The following FASN variants were observed in gnomAD, a reference collection of about 807,000 sequenced individuals.
The protein encoded by FASN is 3-hydroxyacyl-[acyl-carrier-protein] dehydratase.
A neutral mutation model predicts 250.0 loss-of-function variants in FASN; 50 were observed. The ratio of observed to expected loss-of-function variants is 0.20; its 90% confidence interval spans 0.16 to 0.25. FASN has a LOEUF of 0.25. FASN is among the 10% of genes least tolerant of loss of function. The probability of loss-of-function intolerance (pLI) is 1.00; values close to 1 mark genes in which losing one functional copy is unlikely to be tolerated. For missense variants in FASN, 3,031 were observed against 3,498.5 expected (o/e 0.87, Z 3.37); for synonymous variants, 1,909 against 1,584.0 (o/e 1.21, Z -4.87).
rs142371324 is a variant in FASN, at chr17:82,088,005, C to T, written c.2815G>A (p.Glu939Lys). 7,650 of 1,612,758 alleles carry T rather than the reference C, an allele frequency of 4.7e-3. 53 individuals are homozygous for T. Among genetic ancestry groups the T allele is most frequent in the Non-Finnish European group, 4.3e-3 (5,111 of 1,179,978 alleles). ...GACACCTCGAAGGCACGGGAGGCCTCCAGGAGCCGTACCTCCAGGGACACT... is the reference window on the plus strand; with the variant it reads ...GACACCTCGAAGGCACGGGAGGCCTTCAGGAGCCGTACCTCCAGGGACACT... ...GTVSLEVRLLEASRAFEVSEN... is the reference protein window; with the variant it reads ...GTVSLEVRLLKASRAFEVSEN... The change falls in exon 18 of 43, where the codon GAG (glutamate) becomes AAG (lysine). Residue 939 changes from glutamate to lysine, a missense_variant. Physicochemically the swap from Glu to Lys is moderately conservative, Grantham distance 56. Coordinates refer to ENST00000306749, the MANE Select transcript of FASN (RefSeq NM_004104.5).
rs748684741 is a variant in FASN at position 82,085,447 on chromosome 17, G to A, written c.4122+35C>T. On this transcript the variant is annotated intron_variant, in intron 23 of 42. Transcript: ENST00000306749. ...CACCCTGCCCGCCTGGCCCTCACCC[G>A]GCCCCCACCCTGTCCCCCTGCCCGG... 1.7e-5 allele frequency: 27 copies of A among 1,594,662 alleles called. 1 individual carries two copies. In the East Asian group the frequency reaches 2.5e-4, roughly 15 times the overall value.
chr17:82,092,871 C>A, intron 6 of FASN, 26 bp downstream of exon 6: 1 of 1,591,798 alleles, frequency 6.3e-7, no homozygotes, highest in Non-Finnish European at 8.5e-7. Context: ...TGCCCCCCAG[C>A]ACCCCGGAAC....
At chr17:82,097,769 G>A (rs1315687015) in intron 1 of FASN, among the ~76,000 whole-genome samples, 1 of 152,114 alleles carries the variant, frequency 6.6e-6, no homozygotes, top group African/African-American at 2.4e-5. Context: ...GCTCCGGGGC[G>A]GCTCCGGGAG....
At position 82,095,189 on chromosome 17, in the gene FASN, G is replaced by T; in HGVS notation, c.280+131C>A. 6.0e-6 allele frequency: 7 copies of T among 1,162,522 alleles called. No individual in the cohort carries two copies. In the South Asian group the frequency reaches 7.4e-5, roughly 12 times the overall value. The allele number at this position is 1,162,522 out of a possible 1,614,324, so 72.0% of individuals were successfully genotyped here. On this transcript the variant is annotated intron_variant, in intron 3 of 42. Transcript: ENST00000306749. ...ACACCTCCCTGAGCCCGTTGGCCAG[G>T]CCAGGGGCACAGCCGGGGAGGGTAG...
rs756154069 is a variant in FASN, at chr17:82,089,026, C to T, written c.2247G>A (p.Leu749=). The T allele has an allele frequency of 6.2e-7, 1 of 1,607,930 alleles. No homozygotes were observed. The highest frequency in any genetic ancestry group is 8.5e-7 in the Non-Finnish European group (1 of 1,177,866). ...CCACCGCGTGCTCAGGCACGTGCCA[C>T]AGGGCCTCCTGGAACAGCACAGGGC... ...LVSPVLFQEA[L]WHVPEHAVVL... is the part of the protein sequence containing the mutation. Residue 749 remains leucine (L), a synonymous_variant, in exon 14 of 43, where the codon CTG becomes CTA. Coordinates refer to ENST00000306749, the MANE Select transcript of FASN (RefSeq NM_004104.5).
Position 82,095,319 on chromosome 17 carries a change from C to T in FASN, c.280+1G>A. The T allele has an allele frequency of 6.2e-7, 1 of 1,612,906 alleles. No homozygotes were observed. The highest frequency in any genetic ancestry group is 1.3e-5 in the African/African-American group (1 of 75,082). On this transcript the variant is annotated splice_donor_variant, in intron 3 of 42. Coordinates refer to ENST00000306749, the MANE Select transcript of FASN (RefSeq NM_004104.5). LOFTEE classifies it high-confidence loss of function. The stretch of plus-strand genomic sequence containing the variant: ...GCAGCAGTCGCGAATGCCCGACCCA[C>T]CTCCGTCCACGATGGCTTCATAGGT...
In FASN at chr17:82,083,817, C is replaced by A. The variant is rs746827075; in HGVS notation, c.5173G>T (p.Asp1725Tyr). The change falls in exon 30 of 43, where the codon GAC becomes TAC. Residue 1725 changes from aspartate (D) to tyrosine (Y), a missense_variant. Transcript: ENST00000306749. ...LDSTSFANSRDTSFEQHVLWH... is the reference protein window; with the variant it reads ...LDSTSFANSRYTSFEQHVLWH... The stretch of plus-strand genomic sequence containing the variant: ...AGCACATGCTGCTCGAAGGATGTGT[C>A]CCGGGAGTTGGCGAAGCTGGTGCTG... 4 of 1,607,994 alleles carry A rather than the reference C, an allele frequency of 2.5e-6. No individual in the cohort carries two copies. Among genetic ancestry groups the A allele is most frequent in the East Asian group, 4.5e-5 (2 of 44,724 alleles).
At position 82,091,489 on chromosome 17, in the gene FASN, G is replaced by T. The variant is rs1024910943; in HGVS notation, c.1225C>A (p.Gln409Lys). The change falls in exon 9 of 43, where the codon CAG (glutamine) becomes AAG (lysine). Residue 409 changes from glutamine (Q) to lysine (K), a missense_variant. Transcript: ENST00000306749. Reference sequence around the variant, plus strand: ...TGTGGGGCGGGTGCGGGGGGCGGCTGCGTGTTGGGCCTCAGGATGATGTGC... The same window carrying T: ...TGTGGGGCGGGTGCGGGGGGCGGCTTCGTGTTGGGCCTCAGGATGATGTGC... ...NVHIILRPNTQPPPAPAPHAT... is the reference protein window; with the variant it reads ...NVHIILRPNTKPPPAPAPHAT... 1.4e-5 allele frequency: 23 copies of T among 1,604,842 alleles called. No individual in the cohort carries two copies. Among genetic ancestry groups the T allele is most frequent in the Non-Finnish European group, 2.0e-5 (23 of 1,176,578 alleles).
rs757431038 is a variant in FASN at position 82,093,578 on chromosome 17, G to A, written c.454+20C>T. 5 of 1,612,746 alleles carry A rather than the reference G, an allele frequency of 3.1e-6. No homozygotes were observed. Among genetic ancestry groups the A allele is most frequent in the East Asian group, 4.5e-5 (2 of 44,876 alleles). On this transcript the variant is annotated intron_variant, in intron 4 of 42. Transcript: ENST00000306749. ...GACCTGAAGGCCACCCACCTCCGCA[G>A]GAGGCTGGGCAGGACCCACCTCTGA...
intron 15 of FASN, 93 bp downstream of exon 15, chr17:82,088,668 G>A (rs964850580): frequency 4.3e-5 from 65 of 1,514,768 alleles, no homozygotes; most frequent in Non-Finnish European, 5.3e-5. Flanking sequence ...TGCTGCCACC[G>A]GCCTGGGTCA....
rs201027778 is a variant in FASN at position 82,079,486 on chromosome 17, G to T, written c.7269C>A (p.Phe2423Leu). 1 of 1,612,758 alleles carries T rather than the reference G, an allele frequency of 6.2e-7. No individual in the cohort carries two copies. The highest frequency in any genetic ancestry group is 8.5e-7 in the Non-Finnish European group (1 of 1,179,980). The stretch of plus-strand genomic sequence containing the variant: ...GCTCAGCGGCACGCAGCTTGTAGTA[G>T]AAGGACCGGGCCGCAAAGCTCAGCT... ...RQELSFAARS[F>L]YYKLRAAEQY... is the part of the protein sequence containing the mutation. Residue 2423 changes from phenylalanine (F) to leucine (L), a missense_variant, in exon 42 of 43, where the codon TTC becomes TTA. Coordinates refer to ENST00000306749, the MANE Select transcript of FASN (RefSeq NM_004104.5).
intron 27 of FASN, 24 bp downstream of exon 27, chr17:82,084,489 C>A (rs1163855087): frequency 6.3e-7 from 1 of 1,596,882 alleles, no homozygotes; most frequent in African/African-American, 1.3e-5. Context: ...CCAGTCCACT[C>A]CCACGGCCCC....
chr17:82,086,856 T>C (rs1238937709), intron 21 of FASN, among the ~76,000 whole-genome samples, 194 bp downstream of exon 21: 2 of 144,884 alleles, frequency 1.4e-5, no homozygotes, highest in Non-Finnish European at 3.0e-5. Flanking sequence ...TGAGGAACAG[T>C]GACCAGGGAC....
At position 82,081,337 on chromosome 17, in the gene FASN, G is replaced by A. The variant is rs1401173781; in HGVS notation, c.6422C>T (p.Ala2141Val). 6.4e-7 allele frequency: 1 copy of A among 1,558,394 alleles called. No homozygotes were observed. Among genetic ancestry groups the A allele is most frequent in the South Asian group, 1.2e-5 (1 of 85,178 alleles). Residue 2141 changes from alanine (A) to valine (V), a missense_variant, in exon 38 of 43, where the codon GCT becomes GTT. Transcript: ENST00000306749. The stretch of plus-strand genomic sequence containing the variant: ...CAGTGAGCTGTCCAGGTTGACAGCA[G>A]CCAAGTCGCGGATGCCTGGAAGGGA... ...VAHILGIRDL[A>V]AVNLDSSLAD...
chr17:82,093,102 G>T (rs2144807332), intron 5 of FASN, 83 bp from the exon 6 acceptor site: 1 of 1,579,560 alleles, frequency 6.3e-7, no homozygotes. Flanking sequence ...GGTGTGGGGT[G>T]GGTGCTTGGG....
chr17:82,080,516 G>A lies in FASN; in HGVS notation c.6901C>T (p.Pro2301Ser). 6.4e-7 allele frequency: 1 copy of A among 1,562,490 alleles called. No individual in the cohort carries two copies. Among genetic ancestry groups the A allele is most frequent in the Non-Finnish European group, 8.7e-7 (1 of 1,154,612 alleles). The change falls in exon 40 of 43, where the codon CCC becomes TCC. Residue 2301 changes from proline (P) to serine (S), a missense_variant. By Grantham distance (74) the Pro-to-Ser change is moderately conservative (BLOSUM62 -1). Transcript: ENST00000306749. ...DCIRQVQPEG[P>S]YRVAGYSYGA... ...TAGGAGTAGCCGGCCACGCGGTAGG[G>A]GCCCTCGGGCTGCACCTGCCTGATG...
intron 8 of FASN, 148 bp downstream of exon 8, chr17:82,092,307 A>T: frequency 1.2e-6 from 1 of 856,232 alleles, no homozygotes; most frequent in Non-Finnish European, 1.8e-6. Flanking sequence ...CTCTGCTCAG[A>T]CCTGCAGCAT....
In FASN at chr17:82,085,726, G is replaced by T; in HGVS notation, c.3878C>A (p.Ala1293Asp). Residue 1293 changes from alanine (A) to aspartate (D), a missense_variant, in exon 23 of 43, where the codon GCC (alanine) becomes GAC (aspartate). Ala to Asp is a moderately radical substitution (Grantham distance 126, BLOSUM62 -2). Coordinates refer to ENST00000306749, the MANE Select transcript of FASN (RefSeq NM_004104.5). Reference protein sequence around the residue: ...AQAELQQHDVAQGQWDPADPA... With the variant: ...AQAELQQHDVDQGQWDPADPA... The stretch of plus-strand genomic sequence containing the variant: ...GTCTGCGGGATCCCACTGGCCCTGG[G>T]CAACGTCGTGCTGCTGCAGCTCGGC... 6.4e-7 allele frequency: 1 copy of T among 1,565,210 alleles called. No homozygotes were observed. The highest frequency in any genetic ancestry group is 2.4e-5 in the East Asian group (1 of 41,922).
chr17:82,095,186 C>T, intron 3 of FASN, 134 bp downstream of exon 3: 1 of 1,135,058 alleles, frequency 8.8e-7, no homozygotes, highest in Non-Finnish European at 1.3e-6. Flanking sequence ...GCCCGTTGGC[C>T]AGGCCAGGGG....
Sources: gnomAD v4.1 joint callset for allele counts (sites outside exome capture counted in the v4.1 genomes callset) on GRCh38, gnomAD v4.1.1 for gene constraint, MANE v1.5 for transcripts, NCBI Gene and HGNC (gene_info 2026-07-23, HGNC 2026-07-21) for gene names.